The following MRTFB variants were observed in gnomAD, a reference collection of about 807,000 sequenced individuals.
The protein encoded by MRTFB is myocardin related transcription factor B, also known as myocardin-related transcription factor B.
A neutral mutation model predicts 104.2 loss-of-function variants in MRTFB; 29 were observed. The ratio of observed to expected loss-of-function variants is 0.28; its 90% CI spans 0.21 to 0.38. The LOEUF (loss-of-function observed/expected upper bound fraction) is 0.38. Among genes scored for constraint, MRTFB ranks in the 10% least tolerant of loss-of-function variants. MRTFB has a pLI of 1.00. For synonymous variants in MRTFB, 535 were observed against 519.5 expected (o/e 1.03, Z -0.41); for missense variants, 1,270 against 1,341.6 (o/e 0.95, Z 0.83).
chr16:14,174,241 G>C (rs913332821), intron 3 of MRTFB, among the ~76,000 whole-genome samples: 4 of 152,134 alleles, frequency 2.6e-5, no homozygotes, highest in African/African-American at 4.8e-5. Context: ...TGTACTAAGA[G>C]TGGCAGATTA....
intron 3 of MRTFB, among the ~76,000 whole-genome samples, chr16:14,184,139 G>A (rs1227223321): frequency 6.1e-5 from 9 of 147,768 alleles, no homozygotes; most frequent in Non-Finnish European, 1.2e-4. Context: ...AAGTAATTAA[G>A]CATGTAGGCC....
intron 2 of MRTFB, among the ~76,000 whole-genome samples, chr16:14,109,541 T>A (rs1219343951): frequency 6.6e-6 from 1 of 152,212 alleles, no homozygotes; most frequent in Non-Finnish European, 1.5e-5. Context: ...AATAGTTCAG[T>A]ACTGTCCACT....
At chr16:14,252,549 C>T in intron 15 of MRTFB, 47 bp downstream of exon 15, 3 of 1,608,780 alleles carry the variant, frequency 1.9e-6, no homozygotes, top group Non-Finnish European at 2.5e-6. Context: ...GTGGATGTGC[C>T]CACGTTCAGT....
chr16:14,046,077 G>C, the MRTFB span, among the ~76,000 whole-genome samples: 2 of 152,092 alleles, frequency 1.3e-5, no homozygotes, highest in African/African-American at 4.8e-5. Flanking sequence ...AAAACTGTGG[G>C]GTCCCTTGGA....
chr16:14,006,409 C>T, the MRTFB span, among the ~76,000 whole-genome samples: 6 of 151,400 alleles, frequency 4.0e-5, no homozygotes, highest in South Asian at 2.1e-4. Context: ...ATGGCTACTC[C>T]GGAGGCTGAG....
At chr16:14,221,758 T>C (rs2041720488) in intron 8 of MRTFB, among the ~76,000 whole-genome samples, 1 of 150,558 alleles carries the variant, frequency 6.6e-6, no homozygotes, top group Admixed American at 6.7e-5. Flanking sequence ...ACTAGCTTGA[T>C]TTTTTTAGAT....
At chr16:14,069,845 G>A (rs1165904100), upstream of MRTFB, among the ~76,000 whole-genome samples, 1 of 152,180 alleles carries the variant, frequency 6.6e-6, no homozygotes, top group African/African-American at 2.4e-5. Context: ...GTTGTTGGGA[G>A]GGCTAAATAA....
intron 15 of MRTFB, among the ~76,000 whole-genome samples, chr16:14,256,046 G>A (rs768011113): frequency 1.1e-4 from 16 of 150,858 alleles, no homozygotes; most frequent in Non-Finnish European, 2.2e-4. Flanking sequence ...TCAGGGGGTT[G>A]AGGCTGCAGT....
intron 2 of MRTFB, among the ~76,000 whole-genome samples, chr16:14,124,651 G>A (rs2037020066): frequency 6.6e-6 from 1 of 152,186 alleles, no homozygotes; most frequent in Non-Finnish European, 1.5e-5. Context: ...TGTGCTGCTG[G>A]ATTCGGTTTG....
rs188137118 is a variant in MRTFB at position 14,114,491 on chromosome 16, T to C, written c.-63-26053T>C. On this transcript the variant is annotated intron_variant, in intron 2 of 16. Coordinates refer to ENST00000571589, the MANE Select transcript of MRTFB (RefSeq NM_001308142.2). ...CTACCTTCCAGAACATCAGAAAGAGTAGTCCAATTTCAAATAGGATTTCTT... is the reference window on the plus strand; with the variant it reads ...CTACCTTCCAGAACATCAGAAAGAGCAGTCCAATTTCAAATAGGATTTCTT... 9.2e-5 allele frequency among the ~76,000 whole-genome samples: 14 copies of C among 152,258 alleles called. No homozygotes were observed. In the East Asian group the frequency reaches 2.1e-3, roughly 23 times the overall value.
At chr16:14,253,244 T>G (rs2043327805) in intron 15 of MRTFB, among the ~76,000 whole-genome samples, 1 of 152,292 alleles carries the variant, frequency 6.6e-6, no homozygotes, top group African/African-American at 2.4e-5. Context: ...CTCTAAAGCT[T>G]TCTGTCAAAG....
chr16:14,018,890 T>C, the MRTFB span: 5 of 152,228 alleles, frequency 3.3e-5, no homozygotes, highest in Non-Finnish European at 5.9e-5. Context: ...TGCCTTCATT[T>C]ACTTGCTTTA....
chr16:14,246,546 G>A lies in MRTFB; in HGVS notation c.1286G>A (p.Arg429His), dbSNP rs765647378. 5.6e-6 allele frequency: 9 copies of A among 1,614,148 alleles called. No homozygotes were observed. The highest frequency in any genetic ancestry group is 1.1e-5 in the South Asian group (1 of 91,080). Residue 429 changes from arginine (R) to histidine (H), a missense_variant, in exon 12 of 17, where the codon CGC becomes CAC. Physicochemically the swap from Arg to His is conservative, Grantham distance 29 (BLOSUM62 0). Transcript: ENST00000571589. ...GGCACCAAACCGGACCTCATTGAGC[G>A]CCTAAAACCCTACCAGGAAGTGAAC... The part of the protein sequence containing the change: ...VSGTKPDLIE[R>H]LKPYQEVNSS...
At chr16:14,257,178 C>G (rs956613412) in intron 15 of MRTFB, among the ~76,000 whole-genome samples, 10 of 152,310 alleles carry the variant, frequency 6.6e-5, no homozygotes, top group Admixed American at 3.9e-4. Flanking sequence ...CTTTGGAAAA[C>G]AGTTTGGCCA....
intron 3 of MRTFB, among the ~76,000 whole-genome samples, chr16:14,172,462 G>T (rs1479280604): frequency 6.6e-6 from 1 of 151,934 alleles, no homozygotes; most frequent in Non-Finnish European, 1.5e-5. Context: ...TTGTTTCTAA[G>T]ATTTTCCTGT....
At chr16:14,123,111 A>T (rs760495095) in intron 2 of MRTFB, among the ~76,000 whole-genome samples, 2 of 152,092 alleles carry the variant, frequency 1.3e-5, no homozygotes, top group Non-Finnish European at 2.9e-5. Flanking sequence ...GTCGGTTCAC[A>T]CCCTTTGCTC....
At chr16:14,071,170 A>G (rs2033657966), upstream of MRTFB, among the ~76,000 whole-genome samples, 1 of 151,886 alleles carries the variant, frequency 6.6e-6, no homozygotes, top group Admixed American at 6.6e-5. Flanking sequence ...GCACGCAGGG[A>G]CGGAGTCGGG....
At chr16:14,083,091 A>G (rs1235760980) in intron 2 of MRTFB, among the ~76,000 whole-genome samples, 1 of 151,908 alleles carries the variant, frequency 6.6e-6, no homozygotes, top group African/African-American at 2.4e-5. Context: ...ATTTATTTCT[A>G]AGTATTTTAT....
the MRTFB span, among the ~76,000 whole-genome samples, chr16:14,028,155 G>C: frequency 1.3e-5 from 2 of 151,754 alleles, no homozygotes; most frequent in African/African-American, 4.8e-5. Flanking sequence ...CCAGCCTGGG[G>C]CACAGAATGA....
Sources: allele counts gnomAD v4.1 joint callset (sites outside exome capture counted in the v4.1 genomes callset), GRCh38; gene constraint gnomAD v4.1.1; transcripts MANE v1.5; gene names NCBI Gene and HGNC (gene_info 2026-07-23, HGNC 2026-07-21).